The following PSME3IP1 variants were observed in gnomAD, a reference collection of about 807,000 sequenced individuals.
The protein encoded by PSME3IP1 is PSME3-interacting protein.
In PSME3IP1, 13 loss-of-function variants were observed where a neutral mutation model predicts 34.1. The ratio of observed to expected loss-of-function variants is 0.38; its 90% CI spans 0.25 to 0.61. The LOEUF (loss-of-function observed/expected upper bound fraction) is 0.61, where lower values mean the gene tolerates loss of function less well. Ranked by LOEUF, PSME3IP1 falls within the 20% of genes least tolerant of loss-of-function variation. The probability of loss-of-function intolerance (pLI) is 0.60; values close to 1 mark genes in which losing one functional copy is unlikely to be tolerated. For synonymous variants in PSME3IP1, 93 were observed against 114.3 expected, an observed-to-expected ratio of 0.81 and a Z score of 1.19; for missense variants, 237 against 301.4, an observed-to-expected ratio of 0.79 and a Z score of 1.58.
intron 1 of PSME3IP1, among the ~76,000 whole-genome samples, chr16:57,176,847 T>TTA (rs146498487): frequency 0.011 from 1,634 of 152,004 alleles, 29 homozygotes; most frequent in African/African-American, 0.038. Context: ...TTCATTCTTG[T>TTA]TATATATATA....
At chr16:57,160,207 G>A (rs934711671) in intron 6 of PSME3IP1, among the ~76,000 whole-genome samples, 26 of 151,498 alleles carry the variant, frequency 1.7e-4, no homozygotes, top group African/African-American at 6.1e-4. Flanking sequence ...GGAGAATGGC[G>A]TGAACCCGGG....
chr16:57,165,751 A>G (rs540421356), intron 5 of PSME3IP1, among the ~76,000 whole-genome samples: 1 of 152,322 alleles, frequency 6.6e-6, no homozygotes, highest in South Asian at 2.1e-4. Flanking sequence ...CTTACTACAC[A>G]AAGAAACATT....
At chr16:57,185,636 G>A (rs1480180941) in intron 1 of PSME3IP1, 185 bp downstream of exon 1, 1 of 985,478 alleles carries the variant, frequency 1.0e-6, no homozygotes, top group Non-Finnish European at 1.2e-6. Context: ...CCTTCCCGCG[G>A]GCACCCTCAG....
At chr16:57,161,696 T>C (rs764610279) in intron 6 of PSME3IP1, among the ~76,000 whole-genome samples, 48 of 152,038 alleles carry the variant, frequency 3.2e-4, no homozygotes, top group Middle Eastern at 3.4e-3. Flanking sequence ...GTATTTTTAG[T>C]AGAGACGGGG....
At chr16:57,157,700 C>G (rs1215453976) in intron 6 of PSME3IP1, among the ~76,000 whole-genome samples, 1 of 151,874 alleles carries the variant, frequency 6.6e-6, no homozygotes, top group East Asian at 1.9e-4. Context: ...CCCGCCTCAG[C>G]CTCCCAGAGG....
intron 1 of PSME3IP1, 84 bp from the exon 2 acceptor site, chr16:57,173,953 C>T: frequency 7.4e-7 from 1 of 1,359,720 alleles, no homozygotes; most frequent in Non-Finnish European, 1.0e-6. Context: ...GGAGATTTAG[C>T]TCCATCTCAC....
intron 4 of PSME3IP1, 143 bp from the exon 5 acceptor site, chr16:57,167,369 G>A: frequency 1.0e-6 from 1 of 954,522 alleles, no homozygotes; most frequent in Non-Finnish European, 1.6e-6. Context: ...GTCAAATCCA[G>A]CCAATTCAAA....
chr16:57,169,552 A>G (rs1453001877), intron 4 of PSME3IP1, among the ~76,000 whole-genome samples: 1 of 152,186 alleles, frequency 6.6e-6, no homozygotes, highest in East Asian at 1.9e-4. Flanking sequence ...TTCCAGTTAA[A>G]GCCCTTATCC....
In PSME3IP1 at chr16:57,154,022, G is replaced by A; in HGVS notation, c.*268C>T. 2 of 405,014 alleles carry A rather than the reference G, an allele frequency of 4.9e-6. No individual in the cohort carries two copies. The highest frequency in any genetic ancestry group is 8.9e-6 in the Non-Finnish European group (2 of 224,798). The allele number at this position is 405,014 out of a possible 1,614,324, so 25.1% of individuals were successfully genotyped here. On this transcript the variant is annotated 3_prime_UTR_variant, in exon 7 of 7. Transcript: ENST00000309137. This position sits in a 1 kb window ranked among gnomAD's most constrained non-coding sequence, Gnocchi z 4.0. ...CCTGGGGCATTTTTAGTGGAACTTCGGCTGGGCCTTGCCCTCCTCCCAATA... is the reference window on the plus strand; with the variant it reads ...CCTGGGGCATTTTTAGTGGAACTTCAGCTGGGCCTTGCCCTCCTCCCAATA...
At chr16:57,177,760 C>A (rs761492664) in intron 1 of PSME3IP1, among the ~76,000 whole-genome samples, 12 of 152,062 alleles carry the variant, frequency 7.9e-5, no homozygotes, top group Non-Finnish European at 1.5e-4. Context: ...GCCTATAATC[C>A]CAACACTTTG....
intron 6 of PSME3IP1, among the ~76,000 whole-genome samples, chr16:57,155,018 ATT>A (rs2145363655): frequency 6.6e-6 from 1 of 152,384 alleles, no homozygotes; most frequent in African/African-American, 2.4e-5. Context: ...ACAAAATAAC[ATT>A]CTTTTCTTTT....
rs1294718522 is a variant in PSME3IP1 at position 57,154,319 on chromosome 16, G to A, written c.736C>T (p.Arg246Ter). 3.7e-6 allele frequency: 6 copies of A among 1,614,032 alleles called. No homozygotes were observed. The highest frequency in any genetic ancestry group is 5.1e-6 in the Non-Finnish European group (6 of 1,180,008). ...ATGKIVSSIFRTNTFLEAP is the reference protein window; with the variant it reads ...ATGKIVSSIF ...GGGGCCTCGAGGAAGGTGTTGGTTCGGAAGATGGAGGAGACAATCTTTCCG... is the reference window on the plus strand; with the variant it reads ...GGGGCCTCGAGGAAGGTGTTGGTTCAGAAGATGGAGGAGACAATCTTTCCG... The change falls in exon 7 of 7, where the codon CGA becomes TGA. Residue 246 changes from arginine to a stop codon, truncating the protein, a stop_gained. Coordinates refer to ENST00000309137, the MANE Select transcript of PSME3IP1 (RefSeq NM_024946.4). LOFTEE classifies it high-confidence loss of function. This position sits in a 1 kb window ranked among gnomAD's most constrained non-coding sequence, Gnocchi z 4.0.
chr16:57,178,348 T>C (rs572473459), intron 1 of PSME3IP1, among the ~76,000 whole-genome samples: 1 of 152,336 alleles, frequency 6.6e-6, no homozygotes, highest in Non-Finnish European at 1.5e-5. Context: ...TGTATTTCCT[T>C]CCTTTGTGTT....
intron 1 of PSME3IP1, among the ~76,000 whole-genome samples, chr16:57,184,555 T>C (rs1300422946): frequency 6.6e-6 from 1 of 152,256 alleles, no homozygotes; most frequent in Admixed American, 6.5e-5. Context: ...AGGTGACTAA[T>C]GGTGAACACG....
intron 1 of PSME3IP1, among the ~76,000 whole-genome samples, chr16:57,180,992 G>A (rs1022795796): frequency 6.6e-6 from 1 of 152,034 alleles, no homozygotes; most frequent in African/African-American, 2.4e-5. Context: ...AGTGAGCTAT[G>A]AGGGCCATTG....
chr16:57,177,055 A>G (rs2073239749), intron 1 of PSME3IP1, among the ~76,000 whole-genome samples: 1 of 152,020 alleles, frequency 6.6e-6, no homozygotes, highest in Admixed American at 6.6e-5. Flanking sequence ...GGCTTTCATT[A>G]TGTTGGCCAG....
chr16:57,185,481 C>T lies in PSME3IP1; in HGVS notation c.-16+340G>A, dbSNP rs774790738. 54 of 982,238 alleles carry T rather than the reference C, an allele frequency of 5.5e-5. No homozygotes were observed. The Middle Eastern group carries it at 3.2e-3, about 57-fold the overall frequency. The allele number at this position is 982,238 out of a possible 1,614,324, so 60.8% of individuals were successfully genotyped here. A position where few individuals can be genotyped will look rare whatever the true frequency, so the allele number is the denominator to read the frequency against. ...GACGCCGCACATCCGAGTGAGTAAC[C>T]TGGACCTGTTCCAAGACCTCTGGAA... On this transcript the variant is annotated intron_variant, in intron 1 of 6. Transcript: ENST00000309137.
chr16:57,182,230 T>C (rs2073781365), intron 1 of PSME3IP1, among the ~76,000 whole-genome samples: 1 of 152,122 alleles, frequency 6.6e-6, no homozygotes, highest in African/African-American at 2.4e-5. Flanking sequence ...ATATGTATTT[T>C]ACAATATCAC....
chr16:57,171,381 T>C (rs1338018595), intron 4 of PSME3IP1, among the ~76,000 whole-genome samples: 1 of 152,072 alleles, frequency 6.6e-6, no homozygotes, highest in African/African-American at 2.4e-5. Flanking sequence ...TGATACAGAG[T>C]AAGACTTTAG....
Sources: allele counts gnomAD v4.1 joint callset (sites outside exome capture counted in the v4.1 genomes callset), GRCh38; gene constraint gnomAD v4.1.1; non-coding constraint Gnocchi (gnomAD v3.1); transcripts MANE v1.5; gene names NCBI Gene and HGNC (gene_info 2026-07-23, HGNC 2026-07-21).